The following TFAP4 variants were observed in gnomAD, a reference collection of about 807,000 sequenced individuals.
TFAP4 encodes the protein transcription factor AP-4.
Under a neutral mutation model 40.4 loss-of-function variants are expected in TFAP4, and 7 were observed. The ratio of observed to expected loss-of-function variants is 0.17; its 90% CI spans 0.10 to 0.33. TFAP4 has a LOEUF of 0.33. TFAP4 is among the 10% of genes least tolerant of loss of function. The pLI, the probability that TFAP4 is intolerant of heterozygous loss-of-function variation, is 1.00. For synonymous variants in TFAP4, 218 were observed against 181.4 expected (o/e 1.20, Z -1.62); for missense variants, 374 against 451.1 (o/e 0.83, Z 1.55).
At chr16:4,258,840 T>A (rs930338902) in intron 6 of TFAP4, 1 of 152,088 alleles carries the variant, frequency 6.6e-6, no homozygotes, top group Non-Finnish European at 1.5e-5. Context: ...ACGCCTGTAA[T>A]CCCAACACTT....
rs1290900790 is a variant in TFAP4 at position 4,272,807 on chromosome 16, T to C, written c.-61A>G. 3 of 1,490,358 alleles carry C rather than the reference T, an allele frequency of 2.0e-6. No homozygotes were observed. Among genetic ancestry groups the C allele is most frequent in the Non-Finnish European group, 2.7e-6 (3 of 1,091,906 alleles). 92.3% of individuals were successfully genotyped at this position (1,490,358 alleles called of 1,614,324 possible). ...CCGCGATCAGCCGGAGAATGCAAGA[T>C]GGAAATCCGAATCAAAGGGCAGCGC... is the stretch of plus-strand genomic sequence containing the variant. On this transcript the variant is annotated 5_prime_UTR_variant, in exon 1 of 7. Coordinates refer to ENST00000204517, the MANE Select transcript of TFAP4 (RefSeq NM_003223.3).
At chr16:4,260,958 GT>G (rs1240845715) in intron 4 of TFAP4, among the ~76,000 whole-genome samples, 3 of 152,028 alleles carry the variant, frequency 2.0e-5, no homozygotes. Context: ...CTTCAATATG[GT>G]TTTTTGTTTT....
intron 5 of TFAP4, 86 bp downstream of exon 5, chr16:4,260,369 G>A (rs1597311599): frequency 4.0e-6 from 6 of 1,507,086 alleles, no homozygotes; most frequent in South Asian, 1.3e-5. Context: ...CAGAGAGGAC[G>A]TGGCCTAGGG....
In TFAP4 at chr16:4,262,561, T is replaced by C. The variant is rs947438568; in HGVS notation, c.230A>G (p.His77Arg). 10 of 1,612,456 alleles carry C rather than the reference T, an allele frequency of 6.2e-6. No homozygotes were observed. The highest frequency in any genetic ancestry group is 1.6e-4 in the Middle Eastern group (1 of 6,084). Residue 77 changes from histidine (H) to arginine (R), a missense_variant, in exon 2 of 7, where the codon CAC becomes CGC. Coordinates refer to ENST00000204517, the MANE Select transcript of TFAP4 (RefSeq NM_003223.3). Reference protein sequence around the residue: ...GFQSLKTLIPHTDGEKLSKAA... With the variant: ...GFQSLKTLIPRTDGEKLSKAA... ...CTTGCTGAGCTTCTCTCCGTCTGTG[T>C]GGGGGATGAGGGTCTTGAGGGACTG...
rs2052911005 is a variant in TFAP4, at chr16:4,258,033, G to A, written c.*22C>T. 2 of 1,602,944 alleles carry A rather than the reference G, an allele frequency of 1.2e-6. No homozygotes were observed. Among genetic ancestry groups the A allele is most frequent in the African/African-American group, 2.7e-5 (2 of 74,690 alleles). On this transcript the variant is annotated 3_prime_UTR_variant, in exon 7 of 7. Coordinates refer to ENST00000204517, the MANE Select transcript of TFAP4 (RefSeq NM_003223.3). ...CCGGCTCCCTCCAGCCCCCAGAAGG[G>A]AGAGGAGGGCTGGGGGGGTAGTCAG...
At chr16:4,270,414 G>C (rs1034254844) in intron 1 of TFAP4, among the ~76,000 whole-genome samples, 16 of 152,194 alleles carry the variant, frequency 1.1e-4, no homozygotes, top group Non-Finnish European at 7.3e-5. Flanking sequence ...CCACCAGCCT[G>C]AGATGACCCT....
rs1055980230 is a variant in TFAP4, at chr16:4,258,388, C to T, written c.823-139G>A. On this transcript the variant is annotated intron_variant, in intron 6 of 6. Coordinates refer to ENST00000204517, the MANE Select transcript of TFAP4 (RefSeq NM_003223.3). ...AGCCTGGCAAAGCAGCAGGGGAGGC[C>T]CGCTAGAGTACAGGAAAAACAAACT... is the stretch of plus-strand genomic sequence containing the variant. 5.3e-6 allele frequency: 4 copies of T among 748,886 alleles called. No individual in the cohort carries two copies. In the East Asian group the frequency reaches 1.1e-4, roughly 21 times the overall value. The allele number at this position is 748,886 out of a possible 1,614,324, so 46.4% of individuals were successfully genotyped here.
At chr16:4,269,385 CG>C (rs2053022836) in intron 1 of TFAP4, among the ~76,000 whole-genome samples, 1 of 147,538 alleles carries the variant, frequency 6.8e-6, no homozygotes, top group Admixed American at 6.8e-5. Flanking sequence ...CCCAGCTACT[CG>C]GGAGGCTGAG....
Position 4,272,352 on chromosome 16 carries a change from C to A in TFAP4, c.89+306G>T, listed in dbSNP as rs930261330. On this transcript the variant is annotated intron_variant, in intron 1 of 6. Transcript: ENST00000204517. ...AGAGGAAGCGCGGGGGGGAAGGCCA[C>A]CAGCACCAAGCATGGCCGGGACTGC... Among the ~76,000 whole-genome samples the A allele has an allele frequency of 5.3e-5, 8 of 152,166 alleles. No homozygotes were observed. The South Asian group carries it at 1.7e-3, about 32-fold the overall frequency.
intron 6 of TFAP4, among the ~76,000 whole-genome samples, chr16:4,259,889 G>T (rs1441386886): frequency 2.0e-5 from 3 of 152,226 alleles, no homozygotes; most frequent in African/African-American, 7.2e-5. Context: ...TACTGGCGTG[G>T]TAGGCCCTGC....
Position 4,258,121 on chromosome 16 carries a change from C to T in TFAP4, c.951G>A (p.Glu317=). 6.2e-7 allele frequency: 1 copy of T among 1,613,814 alleles called. No individual in the cohort carries two copies. Among genetic ancestry groups the T allele is most frequent in the African/African-American group, 1.3e-5 (1 of 75,004 alleles). ...GGTCCATGGCGTCACTGTCTGAGGC[C>T]TCGGAGTCGGAGGCGGTGTCAGAGG... ...APTSDTASDS[E]ASDSDAMDQS... is the part of the protein sequence containing the mutation. The change falls in exon 7 of 7, where the codon GAG becomes GAA. Residue 317 remains glutamate, a synonymous_variant. Coordinates refer to ENST00000204517, the MANE Select transcript of TFAP4 (RefSeq NM_003223.3).
At chr16:4,269,690 G>C (rs1232148068) in intron 1 of TFAP4, among the ~76,000 whole-genome samples, 1 of 151,200 alleles carries the variant, frequency 6.6e-6, no homozygotes, top group Non-Finnish European at 1.5e-5. Flanking sequence ...CGGGCCTGTA[G>C]TCCCAGTTAC....
Position 4,260,624 on chromosome 16 carries a change from C to A in TFAP4, c.526-29G>T, listed in dbSNP as rs771000874. The A allele has an allele frequency of 5.1e-6, 8 of 1,564,532 alleles. No individual in the cohort carries two copies. In the East Asian group the frequency reaches 1.6e-4, roughly 31 times the overall value. ...GAGGCAGGACAACCTGGGCTCAGGG[C>A]CAAGGCCGGGAGCACACCCTGCCCT... On this transcript the variant is annotated intron_variant, in intron 4 of 6. Coordinates refer to ENST00000204517, the MANE Select transcript of TFAP4 (RefSeq NM_003223.3).
At position 4,262,363 on chromosome 16, in the gene TFAP4, C is replaced by G; in HGVS notation, c.315G>C (p.Arg105Ser). ...YIFSLEQEKT[R>S]LLQQNTQLKR... ...TGAGCTGTGTGTTCTGCTGCAAGAG[C>G]CTGGTCTTCTCCTGCTCCAGGGAGA... The change falls in exon 3 of 7, where the codon AGG becomes AGC. Residue 105 changes from arginine (R) to serine (S), a missense_variant. Physicochemically the swap from Arg to Ser is moderately radical, Grantham distance 110 (BLOSUM62 -1). This residue lies in a region of TFAP4 where 51 missense variants were observed against 91.1 expected (regional missense o/e 0.56). Transcript: ENST00000204517. 1.2e-6 allele frequency: 2 copies of G among 1,614,212 alleles called. No homozygotes were observed. The highest frequency in any genetic ancestry group is 1.7e-6 in the Non-Finnish European group (2 of 1,180,034).
intron 4 of TFAP4, among the ~76,000 whole-genome samples, chr16:4,260,804 G>T (rs368569984): frequency 1.3e-5 from 2 of 152,158 alleles, no homozygotes; most frequent in East Asian, 1.9e-4. Context: ...CCTCCTGCCC[G>T]AGTCTTTGCC....
At chr16:4,271,503 C>T (rs540622640) in intron 1 of TFAP4, among the ~76,000 whole-genome samples, 2 of 152,354 alleles carry the variant, frequency 1.3e-5, no homozygotes, top group African/African-American at 4.8e-5. Context: ...CGGGCCCCAG[C>T]GATCAGAGTT....
At position 4,257,311 on chromosome 16, in the gene TFAP4, T is replaced by TAAAAAAAAAAAAAAAAAA. The variant is rs34634533; in HGVS notation, c.*743_*744insTTTTTTTTTTTTTTTTTT. 8.7e-6 allele frequency: 1 copy of TAAAAAAAAAAAAAAAAAA among 114,782 alleles called. No individual in the cohort carries two copies. The highest frequency in any genetic ancestry group is 1.8e-5 in the Non-Finnish European group (1 of 55,872). The allele number at this position is 114,782 out of a possible 1,614,324, so 7.1% of individuals were successfully genotyped here. On this transcript the variant is annotated 3_prime_UTR_variant, in exon 7 of 7. Coordinates refer to ENST00000204517, the MANE Select transcript of TFAP4 (RefSeq NM_003223.3). ...CTTGAACACGAAGACCTCAAAATTG[T>TAAAAAAAAAAAAAAAAAA]AAAAAAAAAAAAAAAAGAAAGAAAA...
At chr16:4,263,071 C>G (rs2052962476) in intron 1 of TFAP4, 1 of 246,876 alleles carries the variant, frequency 4.1e-6, no homozygotes, top group Admixed American at 5.0e-5. Flanking sequence ...ACTCAGGAGG[C>G]TGAAGTGGGA....
At chr16:4,260,672 CA>C (rs2052940062) in intron 4 of TFAP4, 77 bp from the exon 5 acceptor site, 2 of 1,477,772 alleles carry the variant, frequency 1.4e-6, no homozygotes, top group South Asian at 2.7e-5. Flanking sequence ...GCAGCTCATT[CA>C]CTCCTGCTGA....
Sources: allele counts gnomAD v4.1 joint callset (sites outside exome capture counted in the v4.1 genomes callset), GRCh38; gene constraint gnomAD v4.1.1; regional missense constraint gnomAD v4.1.1; transcripts MANE v1.5; gene names NCBI Gene and HGNC (gene_info 2026-07-23, HGNC 2026-07-21).